MAP3K4: variants seen among roughly 807,000 people sequenced by gnomAD.
MAP3K4 encodes mitogen-activated protein kinase kinase kinase 4, also known as MAP three kinase 1.
In MAP3K4, 67 loss-of-function variants were observed where a neutral mutation model predicts 185.6. The ratio of observed to expected loss-of-function variants is 0.36; its 90% CI spans 0.30 to 0.44. The LOEUF (loss-of-function observed/expected upper bound fraction) is 0.44. Ranked by LOEUF, MAP3K4 falls within the 20% of genes least tolerant of loss-of-function variation. MAP3K4 has a pLI of 1.00. For missense variants in MAP3K4, 1,551 were observed against 1,995.1 expected, an observed-to-expected ratio of 0.78 and a Z score of 4.24; for synonymous variants, 702 against 710.4, an observed-to-expected ratio of 0.99 and a Z score of 0.19.
chr6:161,050,926 C>T (rs1468764633), intron 3 of MAP3K4, among the ~76,000 whole-genome samples: 1 of 152,174 alleles, frequency 6.6e-6, no homozygotes, highest in Non-Finnish European at 1.5e-5. Flanking sequence ...TTTGGGACTT[C>T]CCACGGATCC....
intron 10 of MAP3K4, among the ~76,000 whole-genome samples, 187 bp from the exon 11 acceptor site, chr6:161,089,135 C>T (rs879027599): frequency 6.6e-6 from 1 of 152,122 alleles, no homozygotes; most frequent in South Asian, 2.1e-4. Context: ...GCTGAATATC[C>T]CAGCTGTCAA....
chr6:161,050,894 T>C (rs995400529), intron 3 of MAP3K4, among the ~76,000 whole-genome samples: 1 of 152,234 alleles, frequency 6.6e-6, no homozygotes, highest in Non-Finnish European at 1.5e-5. Context: ...TACAATCCCC[T>C]TGGTATCAGA....
Position 161,100,322 on chromosome 6 carries a change from C to T in MAP3K4, c.3675-1570C>T, listed in dbSNP as rs530880055. On this transcript the variant is annotated intron_variant, in intron 17 of 26. Coordinates refer to ENST00000392142, the MANE Select transcript of MAP3K4 (RefSeq NM_005922.4). This position sits in a 1 kb window ranked among gnomAD's most constrained non-coding sequence, Gnocchi z 5.8. ...AATGACACCAGTGTGTGCATCCCTGCCACAGCCATGGGGTGTAGCCCTTGC... is the reference window on the plus strand; with the variant it reads ...AATGACACCAGTGTGTGCATCCCTGTCACAGCCATGGGGTGTAGCCCTTGC... Among the ~76,000 whole-genome samples the T allele has an allele frequency of 1.3e-5, 2 of 152,334 alleles. No individual in the cohort carries two copies. Among genetic ancestry groups the T allele is most frequent in the African/African-American group, 4.8e-5 (2 of 41,584 alleles).
rs1784081606 is a variant in MAP3K4 at position 161,053,168 on chromosome 6, G to A, written c.1707+3189G>A. 6.6e-6 allele frequency among the ~76,000 whole-genome samples: 1 copy of A among 152,184 alleles called. No homozygotes were observed. The highest frequency in any genetic ancestry group is 2.4e-5 in the African/African-American group (1 of 41,428). On this transcript the variant is annotated intron_variant, in intron 3 of 26. Coordinates refer to ENST00000392142, the MANE Select transcript of MAP3K4 (RefSeq NM_005922.4). This position sits in a 1 kb window ranked among gnomAD's most constrained non-coding sequence, Gnocchi z 4.2. ...GGCCTCAGGGAGCTATAGTCATGAT[G>A]GAAGGCAAAGCCAGAGCAGGCACTT...
At chr6:161,019,097 A>G (rs1562484608) in intron 1 of MAP3K4, among the ~76,000 whole-genome samples, 1 of 152,216 alleles carries the variant, frequency 6.6e-6, no homozygotes, top group South Asian at 2.1e-4. Flanking sequence ...AGGAGAAAAG[A>G]AAGAGGAGAA....
chr6:161,042,230 A>T (rs893626738), intron 2 of MAP3K4, among the ~76,000 whole-genome samples: 5 of 152,192 alleles, frequency 3.3e-5, no homozygotes, highest in Non-Finnish European at 5.9e-5. Context: ...GAGGCTGTGT[A>T]CTACAAAATG....
Position 161,087,559 on chromosome 6 carries a change from A to G in MAP3K4, c.2557-129A>G, listed in dbSNP as rs1785793880. On this transcript the variant is annotated intron_variant, in intron 9 of 26. Transcript: ENST00000392142. The surrounding 1 kb of genome is among the most constrained non-coding windows in gnomAD (Gnocchi z 4.9). ...GAAGCCGGCTACCTGCAGTTCCCTC[A>G]CTGCTCCAATTCATGCCCTTCCCAC... The G allele has an allele frequency of 3.4e-6, 3 of 894,042 alleles. No homozygotes were observed. Among genetic ancestry groups the G allele is most frequent in the Middle Eastern group, 3.3e-4 (1 of 3,046 alleles). The allele number at this position is 894,042 out of a possible 1,614,324, so 55.4% of individuals were successfully genotyped here.
intron 7 of MAP3K4, among the ~76,000 whole-genome samples, chr6:161,085,539 G>A (rs930684205): frequency 1.3e-5 from 2 of 152,296 alleles, no homozygotes; most frequent in South Asian, 2.1e-4. Context: ...CTTCTCCAAA[G>A]CGAAAATGTT....
chr6:161,108,702 T>G lies in MAP3K4; in HGVS notation c.4120-41T>G, dbSNP rs1175264867. The G allele has an allele frequency of 1.8e-6, 2 of 1,137,980 alleles. No individual in the cohort carries two copies. The highest frequency in any genetic ancestry group is 2.7e-6 in the Non-Finnish European group (2 of 745,342). 70.5% of individuals were successfully genotyped at this position (1,137,980 alleles called of 1,614,324 possible). On this transcript the variant is annotated intron_variant, in intron 21 of 26. Coordinates refer to ENST00000392142, the MANE Select transcript of MAP3K4 (RefSeq NM_005922.4). The surrounding 1 kb of genome is among the most constrained non-coding windows in gnomAD (Gnocchi z 5.7). The stretch of plus-strand genomic sequence containing the variant: ...GTGTATGTGTATAATGTAGAGTGAT[T>G]AAATCAAGCCAGTTAACATTTTTGT...
Position 161,061,758 on chromosome 6 carries a change from A to G in MAP3K4, c.1708-8850A>G, listed in dbSNP as rs1784494741. Among the ~76,000 whole-genome samples, 1 of 152,214 alleles carries G rather than the reference A, an allele frequency of 6.6e-6. No homozygotes were observed. Among genetic ancestry groups the G allele is most frequent in the Non-Finnish European group, 1.5e-5 (1 of 68,032 alleles). On this transcript the variant is annotated intron_variant, in intron 3 of 26. Transcript: ENST00000392142. This position sits in a 1 kb window ranked among gnomAD's most constrained non-coding sequence, Gnocchi z 4.2. ...TTCTTTCATTTGCATAATGTTTTCA[A>G]GGTTCATCCTTGCTGTGGTATGTAT...
rs1425572516 is a variant in MAP3K4 at position 161,100,624 on chromosome 6, A to G, written c.3675-1268A>G. On this transcript the variant is annotated intron_variant, in intron 17 of 26. Coordinates refer to ENST00000392142, the MANE Select transcript of MAP3K4 (RefSeq NM_005922.4). This position sits in a 1 kb window ranked among gnomAD's most constrained non-coding sequence, Gnocchi z 5.8. ...CTCCCCATCCCCGACATCCCCCACC[A>G]GAGCTAGTCGTTCAACATTCCCCAA... 3.3e-5 allele frequency among the ~76,000 whole-genome samples: 5 copies of G among 152,174 alleles called. No individual in the cohort carries two copies. The highest frequency in any genetic ancestry group is 7.3e-5 in the Non-Finnish European group (5 of 68,030).
chr6:161,050,433 G>T (rs2114765041), intron 3 of MAP3K4, among the ~76,000 whole-genome samples: 1 of 152,264 alleles, frequency 6.6e-6, no homozygotes, highest in African/African-American at 2.4e-5. Context: ...TCAAGTTTTG[G>T]TCACTGTATT....
intron 23 of MAP3K4, among the ~76,000 whole-genome samples, chr6:161,111,599 C>A (rs888950139): frequency 2.0e-5 from 3 of 152,160 alleles, no homozygotes; most frequent in Non-Finnish European, 4.4e-5. Flanking sequence ...GCATGTATTT[C>A]AGTTCAGAAT....
chr6:161,036,414 C>A (rs192113323), intron 2 of MAP3K4, among the ~76,000 whole-genome samples: 1 of 152,200 alleles, frequency 6.6e-6, no homozygotes, highest in Non-Finnish European at 1.5e-5. Context: ...AAAATACAGA[C>A]AAAAGAATAA....
chr6:161,069,084 G>A (rs539703523), intron 3 of MAP3K4, among the ~76,000 whole-genome samples: 82 of 152,330 alleles, frequency 5.4e-4, no homozygotes, highest in Admixed American at 1.0e-3. Flanking sequence ...TTTTTCCCAT[G>A]TGTACAGCAT....
chr6:161,047,287 A>C (rs900239011), intron 2 of MAP3K4, among the ~76,000 whole-genome samples: 1 of 150,830 alleles, frequency 6.6e-6, no homozygotes, highest in Non-Finnish European at 1.5e-5. Context: ...CCCAAAAAAA[A>C]AAATTAGCTG....
At chr6:161,062,135 A>T (rs952978079) in intron 3 of MAP3K4, among the ~76,000 whole-genome samples, 1 of 152,164 alleles carries the variant, frequency 6.6e-6, no homozygotes. Flanking sequence ...TCTTTACATA[A>T]CACCCTTAAT....
chr6:161,027,868 G>T (rs1425791976), intron 1 of MAP3K4, among the ~76,000 whole-genome samples: 2 of 152,198 alleles, frequency 1.3e-5, no homozygotes, highest in Non-Finnish European at 2.9e-5. Flanking sequence ...GGGACAAATG[G>T]AGATCCAAAA....
Position 161,097,233 on chromosome 6 carries a change from C to T in MAP3K4, c.3524+57C>T. 6.9e-7 allele frequency: 1 copy of T among 1,439,180 alleles called. No homozygotes were observed. 89.2% of individuals were successfully genotyped at this position (1,439,180 alleles called of 1,614,324 possible). On this transcript the variant is annotated intron_variant, in intron 16 of 26. Coordinates refer to ENST00000392142, the MANE Select transcript of MAP3K4 (RefSeq NM_005922.4). The surrounding 1 kb of genome is among the most constrained non-coding windows in gnomAD (Gnocchi z 4.9). Reference sequence around the variant, plus strand: ...CAGAGTGCCCTCCGATATGCATGCTCATACTTTTGAAACTACTAGATGCTT... The same window carrying T: ...CAGAGTGCCCTCCGATATGCATGCTTATACTTTTGAAACTACTAGATGCTT...
Sources: allele counts gnomAD v4.1 joint callset (sites outside exome capture counted in the v4.1 genomes callset), GRCh38; gene constraint gnomAD v4.1.1; non-coding constraint Gnocchi (gnomAD v3.1); transcripts MANE v1.5; gene names NCBI Gene and HGNC (gene_info 2026-07-23, HGNC 2026-07-21).